PRKG1: variants seen among roughly 807,000 people sequenced by gnomAD.
PRKG1 encodes the protein cGMP-dependent protein kinase 1.
PRKG1 carries 35 observed loss-of-function variants against 88.1 expected under a neutral mutation model. The ratio of observed to expected loss-of-function variants is 0.40; its 90% CI spans 0.30 to 0.53. The LOEUF is 0.53. Ranked by LOEUF, PRKG1 falls within the 20% of genes least tolerant of loss-of-function variation. PRKG1 has a pLI of 0.59. For synonymous variants in PRKG1, 303 were observed against 292.5 expected, an observed-to-expected ratio of 1.04 and a Z score of -0.37; for missense variants, 540 against 839.8, an observed-to-expected ratio of 0.64 and a Z score of 4.41.
chr10:51,735,141 C>T (rs1307583432), intron 3 of PRKG1, among the ~76,000 whole-genome samples: 1 of 152,140 alleles, frequency 6.6e-6, no homozygotes, highest in Non-Finnish European at 1.5e-5. Context: ...AAATGGAAAC[C>T]ACGCAAAAAC....
chr10:51,637,184 C>T (rs1839677445), intron 3 of PRKG1, among the ~76,000 whole-genome samples: 1 of 152,148 alleles, frequency 6.6e-6, no homozygotes, highest in Non-Finnish European at 1.5e-5. Flanking sequence ...AGCTCAACAT[C>T]ATTAAATAAA....
At chr10:52,172,850 G>C (rs1017460372) in intron 9 of PRKG1, among the ~76,000 whole-genome samples, 12 of 152,174 alleles carry the variant, frequency 7.9e-5, no homozygotes, top group Non-Finnish European at 1.0e-4. Flanking sequence ...GGAGTTTGGA[G>C]AGCGAGCCTT....
At chr10:51,679,796 A>T (rs1435491184) in intron 3 of PRKG1, among the ~76,000 whole-genome samples, 1 of 142,900 alleles carries the variant, frequency 7.0e-6, no homozygotes, top group Admixed American at 7.1e-5. Flanking sequence ...ATATGTATTC[A>T]TGTGCCATGC....
At chr10:52,177,583 A>G (rs10824205) in intron 9 of PRKG1, among the ~76,000 whole-genome samples, 100,002 of 151,888 alleles carry the variant, frequency 0.66, 33,433 homozygotes, top group African/African-American at 0.71. Flanking sequence ...TTGATAATAA[A>G]TCTTTAAATG....
At chr10:51,253,647 C>T (rs111351789) in intron 2 of PRKG1, among the ~76,000 whole-genome samples, 6,010 of 151,948 alleles carry the variant, frequency 0.04, 186 homozygotes, top group African/African-American at 0.088. Flanking sequence ...TTTTGACTTT[C>T]CTCTGCTGTA....
intron 3 of PRKG1, among the ~76,000 whole-genome samples, chr10:51,598,018 A>T (rs1054786178): frequency 1.3e-5 from 2 of 152,194 alleles, no homozygotes; most frequent in African/African-American, 4.8e-5. Context: ...TGCTAATGAT[A>T]ATAACTTGAA....
intron 7 of PRKG1, among the ~76,000 whole-genome samples, chr10:52,118,395 A>T (rs1380678213): frequency 6.6e-6 from 1 of 152,002 alleles, no homozygotes. Flanking sequence ...GAAACTTTTA[A>T]TGCATACATA....
chr10:52,238,634 C>T (rs1840757204), intron 9 of PRKG1, among the ~76,000 whole-genome samples: 1 of 149,588 alleles, frequency 6.7e-6, no homozygotes, highest in Non-Finnish European at 1.5e-5. Context: ...CCATCTCACA[C>T]CAGTTAGAAT....
chr10:51,953,396 C>G (rs532554603), intron 5 of PRKG1, among the ~76,000 whole-genome samples: 2 of 152,118 alleles, frequency 1.3e-5, no homozygotes, highest in Non-Finnish European at 2.9e-5. Flanking sequence ...ATTCAGTTTC[C>G]AATAACTGCC....
At chr10:51,880,258 T>TAAAA (rs11337704) in intron 4 of PRKG1, among the ~76,000 whole-genome samples, 44 of 149,296 alleles carry the variant, frequency 2.9e-4, no homozygotes, top group Middle Eastern at 3.5e-3. Flanking sequence ...AGAACTGAGC[T>TAAAA]AAAAAAAAAA....
At chr10:51,515,184 T>C (rs1242981760) in intron 3 of PRKG1, among the ~76,000 whole-genome samples, 1 of 152,212 alleles carries the variant, frequency 6.6e-6, no homozygotes. Context: ...GCATATAAAG[T>C]ATTTAGGTTA....
chr10:50,993,238 G>T (rs910352650), intron 1 of PRKG1, among the ~76,000 whole-genome samples: 1 of 152,160 alleles, frequency 6.6e-6, no homozygotes, highest in Admixed American at 6.5e-5. Context: ...CAGGCAGAAA[G>T]GACTCCTCTT....
intron 9 of PRKG1, among the ~76,000 whole-genome samples, chr10:52,239,110 G>A (rs1326711039): frequency 3.3e-4 from 37 of 113,004 alleles, no homozygotes; most frequent in African/African-American, 1.2e-3. Flanking sequence ...TCATAGGTGG[G>A]AATTGAACAA....
chr10:52,000,114 A>T (rs1012090611), intron 5 of PRKG1, among the ~76,000 whole-genome samples: 15 of 152,140 alleles, frequency 9.9e-5, no homozygotes, highest in African/African-American at 3.6e-4. Context: ...TTCAAATAAA[A>T]TCTCAGATAA....
intron 5 of PRKG1, among the ~76,000 whole-genome samples, chr10:52,042,847 C>A (rs1306342196): frequency 6.6e-6 from 1 of 151,958 alleles, no homozygotes; most frequent in Non-Finnish European, 1.5e-5. Context: ...AATGTCTGGT[C>A]TATGTAAGAA....
intron 3 of PRKG1, among the ~76,000 whole-genome samples, chr10:51,476,339 G>C (rs927595375): frequency 6.6e-6 from 1 of 151,970 alleles, no homozygotes; most frequent in African/African-American, 2.4e-5. Flanking sequence ...AATAAATATT[G>C]ACTTCTCAGA....
At chr10:51,992,828 C>A (rs534586788) in intron 5 of PRKG1, among the ~76,000 whole-genome samples, 1 of 152,120 alleles carries the variant, frequency 6.6e-6, no homozygotes, top group African/African-American at 2.4e-5. Context: ...TGTGCAAAAC[C>A]CAGATAATTA....
intron 3 of PRKG1, among the ~76,000 whole-genome samples, chr10:51,495,683 A>G (rs1564522568): frequency 6.6e-6 from 1 of 152,230 alleles, no homozygotes; most frequent in Non-Finnish European, 1.5e-5. Context: ...TCTCTCAAAC[A>G]TGCATTGCTT....
At chr10:51,893,110 A>G (rs2132911943) in intron 4 of PRKG1, among the ~76,000 whole-genome samples, 1 of 152,258 alleles carries the variant, frequency 6.6e-6, no homozygotes, top group African/African-American at 2.4e-5. Flanking sequence ...GCAATTTAAT[A>G]AAGTGTGTGA....
Sources: gnomAD v4.1 joint callset for allele counts (sites outside exome capture counted in the v4.1 genomes callset) on GRCh38, gnomAD v4.1.1 for gene constraint, MANE v1.5 for transcripts, NCBI Gene and HGNC (gene_info 2026-07-23, HGNC 2026-07-21) for gene names.